ZNF607: variants seen among roughly 807,000 people sequenced by gnomAD.
The protein encoded by ZNF607 is zinc finger protein 607.
Under a neutral mutation model 12.8 loss-of-function variants are expected in ZNF607, and 5 were observed. The observed-to-expected ratio is 0.39, with a 90% CI of 0.20 to 0.82. ZNF607 has a LOEUF of 0.82. ZNF607 is among the 40% of genes least tolerant of loss of function. ZNF607 has a pLI of 0.39. For synonymous variants in ZNF607, 287 were observed against 276.2 expected, an observed-to-expected ratio of 1.04 and a Z score of -0.39; for missense variants, 851 against 859.2, an observed-to-expected ratio of 0.99 and a Z score of 0.12.
At chr19:37,708,307 T>G (rs925591329) in intron 3 of ZNF607, among the ~76,000 whole-genome samples, 6 of 151,770 alleles carry the variant, frequency 4.0e-5, no homozygotes, top group African/African-American at 1.5e-4. Flanking sequence ...GTGATTCTCC[T>G]GCCTCAGTCT....
intron 1 of ZNF607, among the ~76,000 whole-genome samples, chr19:37,713,432 G>A (rs1347991679): frequency 6.6e-6 from 1 of 151,184 alleles, no homozygotes; most frequent in Non-Finnish European, 1.5e-5. Context: ...CTTAATAAAA[G>A]TCTGATTTTT....
At chr19:37,700,120 T>G (rs2045027041) in intron 4 of ZNF607, among the ~76,000 whole-genome samples, 1 of 152,154 alleles carries the variant, frequency 6.6e-6, no homozygotes, top group Admixed American at 6.5e-5. Flanking sequence ...AGCCCTGTTT[T>G]GTAGTGTTTG....
At chr19:37,708,247 G>A (rs988830834) in intron 3 of ZNF607, among the ~76,000 whole-genome samples, 1 of 151,052 alleles carries the variant, frequency 6.6e-6, no homozygotes, top group Non-Finnish European at 1.5e-5. Flanking sequence ...CCAGGCTGGA[G>A]TGCAACGGCG....
intron 4 of ZNF607, among the ~76,000 whole-genome samples, chr19:37,703,796 A>T (rs1262946634): frequency 6.6e-6 from 1 of 152,224 alleles, no homozygotes; most frequent in African/African-American, 2.4e-5. Context: ...AAAGTACATA[A>T]AACAACAACT....
chr19:37,709,593 G>C, intron 3 of ZNF607, 103 bp downstream of exon 3: 1 of 1,330,014 alleles, frequency 7.5e-7, no homozygotes, highest in Non-Finnish European at 1.0e-6. Context: ...AATAAATTTA[G>C]TTTCTTAAAA....
At chr19:37,708,370 A>G (rs2045104431) in intron 3 of ZNF607, among the ~76,000 whole-genome samples, 1 of 151,410 alleles carries the variant, frequency 6.6e-6, no homozygotes, top group Non-Finnish European at 1.5e-5. Context: ...TAATTTTTGT[A>G]TTTTTAGTAG....
chr19:37,716,035 A>G (rs2145251738), intron 1 of ZNF607, among the ~76,000 whole-genome samples: 1 of 152,266 alleles, frequency 6.6e-6, no homozygotes, highest in East Asian at 1.9e-4. Flanking sequence ...TCACCTCTGA[A>G]GGAGGTCCCT....
At chr19:37,705,450 T>C (rs2045073433) in intron 4 of ZNF607, among the ~76,000 whole-genome samples, 1 of 152,012 alleles carries the variant, frequency 6.6e-6, no homozygotes, top group Admixed American at 6.6e-5. Context: ...TTTGGGAGGC[T>C]AAGGCAGGCA....
Position 37,714,951 on chromosome 19 carries a change from G to A in ZNF607, c.-74-3259C>T, listed in dbSNP as rs764657692. ...AAATGGAGTCGCGTTCTGTCGCCCA[G>A]GCTGGAGTGCAGTGGCACAATCTTG... On this transcript the variant is annotated intron_variant, in intron 1 of 4. Transcript: ENST00000355202. Among the ~76,000 whole-genome samples the A allele has an allele frequency of 1.1e-4, 17 of 151,880 alleles. 1 individual carries two copies. The highest frequency in any genetic ancestry group is 7.9e-4 in the Admixed American group (12 of 15,242).
chr19:37,702,679 A>G (rs1026224667), intron 4 of ZNF607, among the ~76,000 whole-genome samples: 2 of 152,206 alleles, frequency 1.3e-5, no homozygotes, highest in Non-Finnish European at 2.9e-5. Flanking sequence ...GTTCTTTAAT[A>G]TGACTGTTAA....
At chr19:37,718,630 T>C (rs996378809) in intron 1 of ZNF607, among the ~76,000 whole-genome samples, 1 of 152,336 alleles carries the variant, frequency 6.6e-6, no homozygotes, top group African/African-American at 2.4e-5. Context: ...TAGGCCCATC[T>C]GTACACTTCA....
chr19:37,710,574 A>G (rs930993309), intron 2 of ZNF607, among the ~76,000 whole-genome samples: 1 of 152,220 alleles, frequency 6.6e-6, no homozygotes, highest in Non-Finnish European at 1.5e-5. Context: ...AATCTATGCT[A>G]TCAGGGAGGG....
chr19:37,697,989 C>T lies in ZNF607; in HGVS notation c.*51G>A. 1 of 1,482,246 alleles carries T rather than the reference C, an allele frequency of 6.7e-7. No individual in the cohort carries two copies. Among genetic ancestry groups the T allele is most frequent in the Non-Finnish European group, 9.0e-7 (1 of 1,110,746 alleles). 91.8% of individuals were successfully genotyped at this position (1,482,246 alleles called of 1,614,324 possible). ...TTCAAATTGTTCAGTGGGATAAATC[C>T]ATTGACACAATGTGCTTTCTTTACT... On this transcript the variant is annotated 3_prime_UTR_variant, in exon 5 of 5. Coordinates refer to ENST00000355202, the MANE Select transcript of ZNF607 (RefSeq NM_032689.5).
chr19:37,711,693 C>A lies in ZNF607; in HGVS notation c.-74-1G>T, dbSNP rs1383994130. 1.3e-6 allele frequency: 2 copies of A among 1,507,212 alleles called. No individual in the cohort carries two copies. The highest frequency in any genetic ancestry group is 1.8e-6 in the Non-Finnish European group (2 of 1,084,542). The allele number at this position is 1,507,212 out of a possible 1,614,324, so 93.4% of individuals were successfully genotyped here. ...AGAGCAAAGTCAAAAGAACCAAGACCTGAAAGAAGAGAAGACCTTGAGACC... is the reference window on the plus strand; with the variant it reads ...AGAGCAAAGTCAAAAGAACCAAGACATGAAAGAAGAGAAGACCTTGAGACC... On this transcript the variant is annotated splice_acceptor_variant, in intron 1 of 4. Coordinates refer to ENST00000355202, the MANE Select transcript of ZNF607 (RefSeq NM_032689.5). LOFTEE classifies it low-confidence loss of function (5UTR_SPLICE).
chr19:37,704,098 C>T (rs1370631567), intron 4 of ZNF607, among the ~76,000 whole-genome samples: 1 of 151,170 alleles, frequency 6.6e-6, no homozygotes, highest in Non-Finnish European at 1.5e-5. Context: ...CACGCCATTG[C>T]ACTCCAGCCT....
At chr19:37,718,866 A>G (rs2045199867) in intron 1 of ZNF607, 1 of 152,226 alleles carries the variant, frequency 6.6e-6, no homozygotes, top group African/African-American at 2.4e-5. Flanking sequence ...TTCATGCTGA[A>G]TTCGGAGTTG....
intron 1 of ZNF607, among the ~76,000 whole-genome samples, chr19:37,713,335 A>G (rs551159347): frequency 4.6e-5 from 7 of 152,276 alleles, no homozygotes; most frequent in Admixed American, 2.0e-4. Context: ...CATAGACTGT[A>G]AAAGTATTTC....
chr19:37,702,932 AATTT>A (rs1371115737), intron 4 of ZNF607, among the ~76,000 whole-genome samples: 2 of 151,976 alleles, frequency 1.3e-5, no homozygotes, highest in East Asian at 1.9e-4. Flanking sequence ...TCAACAGGTA[AATTT>A]ATTTATTTAT....
In ZNF607 at chr19:37,698,985, T is replaced by C. The variant is rs2045010128; in HGVS notation, c.1146A>G (p.Arg382=). Residue 382 remains arginine, a synonymous_variant, in exon 5 of 5, where the codon CGA becomes CGG. Transcript: ENST00000355202. The part of the protein sequence containing the change: ...KAFSVHGRLT[R]HQGIHSGKKP... ...TCTTACCACTATGAATACCCTGATG[T>C]CGAGTAAGTCGTCCATGCACACTAA... is the stretch of plus-strand genomic sequence containing the variant. 6.2e-7 allele frequency: 1 copy of C among 1,613,852 alleles called. No individual in the cohort carries two copies. The highest frequency in any genetic ancestry group is 1.3e-5 in the African/African-American group (1 of 74,852).
Sources: gnomAD v4.1 joint callset for allele counts (sites outside exome capture counted in the v4.1 genomes callset) on GRCh38, gnomAD v4.1.1 for gene constraint, MANE v1.5 for transcripts, NCBI Gene and HGNC (gene_info 2026-07-23, HGNC 2026-07-21) for gene names.